Variants in GNAQ observed in about 807,000 individuals in gnomAD.
The protein encoded by GNAQ is G protein subunit alpha q, also known as guanine nucleotide-binding protein G(q) subunit alpha.
GNAQ carries 8 observed loss-of-function variants against 43.9 expected under a neutral mutation model. That is an observed-to-expected ratio of 0.18 (90% CI 0.11 to 0.33). GNAQ has a LOEUF of 0.33. Ranked by LOEUF, GNAQ falls within the 10% of genes least tolerant of loss-of-function variation. GNAQ has a pLI of 1.00. For missense variants in GNAQ, 158 were observed against 450.8 expected (o/e 0.35, Z 5.88); for synonymous variants, 155 against 170.7 (o/e 0.91, Z 0.71).
intron 2 of GNAQ, among the ~76,000 whole-genome samples, chr9:77,849,524 C>T (rs1436268298): frequency 6.6e-6 from 1 of 152,130 alleles, no homozygotes; most frequent in African/African-American, 2.4e-5. Context: ...CCCAGCTAAA[C>T]TGAAGGAAAA....
chr9:77,853,021 T>C (rs368215653), intron 2 of GNAQ, among the ~76,000 whole-genome samples: 1 of 152,202 alleles, frequency 6.6e-6, no homozygotes, highest in African/African-American at 2.4e-5. Context: ...ACATACATTT[T>C]TCCTTTGTCT....
chr9:77,987,727 C>T (rs912180493), intron 1 of GNAQ, among the ~76,000 whole-genome samples: 3 of 152,068 alleles, frequency 2.0e-5, no homozygotes, highest in Non-Finnish European at 2.9e-5. Context: ...AATAAATGTA[C>T]AGTACATAAA....
At chr9:77,844,026 C>G (rs1827534572) in intron 2 of GNAQ, among the ~76,000 whole-genome samples, 1 of 152,130 alleles carries the variant, frequency 6.6e-6, no homozygotes, top group African/African-American at 2.4e-5. Flanking sequence ...TGCAATCTGC[C>G]ACGGAGACAG....
intron 5 of GNAQ, among the ~76,000 whole-genome samples, chr9:77,731,259 TATAGAA>T (rs1825483274): frequency 6.6e-6 from 1 of 152,064 alleles, no homozygotes; most frequent in Admixed American, 6.5e-5. Context: ...TTTGCATTGA[TATAGAA>T]GAAGGTGTAC....
chr9:77,906,546 A>G (rs951101760), intron 2 of GNAQ, among the ~76,000 whole-genome samples: 1 of 152,246 alleles, frequency 6.6e-6, no homozygotes, highest in African/African-American at 2.4e-5. Flanking sequence ...CAACTCAGAA[A>G]AAAGTACTTG....
chr9:77,887,938 TAGATC>T, intron 2 of GNAQ, among the ~76,000 whole-genome samples: 1 of 152,230 alleles, frequency 6.6e-6, no homozygotes, highest in Non-Finnish European at 1.5e-5. Flanking sequence ...GCAATTATTC[TAGATC>T]AGTAGTTCTC....
chr9:77,871,066 A>C (rs959926352), intron 2 of GNAQ, among the ~76,000 whole-genome samples: 1 of 152,304 alleles, frequency 6.6e-6, no homozygotes, highest in African/African-American at 2.4e-5. Context: ...ATAACACCTC[A>C]CAGTGTACAC....
At chr9:78,022,083 G>GC (rs1453314094) in intron 1 of GNAQ, among the ~76,000 whole-genome samples, 2 of 152,272 alleles carry the variant, frequency 1.3e-5, no homozygotes, top group East Asian at 1.9e-4. Context: ...TCATTCACAG[G>GC]CCCCCCTCAA....
At chr9:77,776,547 A>G (rs1826308804) in intron 5 of GNAQ, among the ~76,000 whole-genome samples, 1 of 152,230 alleles carries the variant, frequency 6.6e-6, no homozygotes, top group Non-Finnish European at 1.5e-5. Context: ...ATAATAGTGC[A>G]ATAACAATTT....
intron 5 of GNAQ, among the ~76,000 whole-genome samples, chr9:77,748,236 C>T (rs995902132): frequency 6.6e-6 from 1 of 152,152 alleles, no homozygotes; most frequent in African/African-American, 2.4e-5. Flanking sequence ...TTGTTTAAAT[C>T]TACATCTCAT....
intron 1 of GNAQ, among the ~76,000 whole-genome samples, chr9:77,968,508 C>G (rs1823196716): frequency 6.6e-6 from 1 of 152,166 alleles, no homozygotes; most frequent in Admixed American, 6.5e-5. Context: ...CAAAGTTTAT[C>G]TGGAACAACC....
intron 1 of GNAQ, among the ~76,000 whole-genome samples, chr9:77,940,564 G>A (rs994259632): frequency 5.9e-5 from 9 of 152,072 alleles, no homozygotes; most frequent in Non-Finnish European, 1.3e-4. Flanking sequence ...GAGCGACAGA[G>A]ACCCTGTCTC....
At chr9:77,934,914 C>A (rs531691696) in intron 1 of GNAQ, among the ~76,000 whole-genome samples, 1 of 152,244 alleles carries the variant, frequency 6.6e-6, no homozygotes, top group African/African-American at 2.4e-5. Context: ...ATCATGAGGT[C>A]AAGAGTTCAA....
intron 5 of GNAQ, among the ~76,000 whole-genome samples, chr9:77,746,420 A>G (rs1825730607): frequency 2.0e-5 from 3 of 152,142 alleles, no homozygotes; most frequent in Admixed American, 2.0e-4. Flanking sequence ...GAAAAGACAA[A>G]GCCAAAAGGG....
At chr9:78,005,895 C>T (rs1003896462) in intron 1 of GNAQ, among the ~76,000 whole-genome samples, 3 of 152,132 alleles carry the variant, frequency 2.0e-5, no homozygotes, top group African/African-American at 7.2e-5. Flanking sequence ...AATCGGCCAA[C>T]GGAAAAGGGT....
intron 1 of GNAQ, among the ~76,000 whole-genome samples, chr9:77,977,576 C>T (rs1403517920): frequency 6.6e-6 from 1 of 152,158 alleles, no homozygotes; most frequent in African/African-American, 2.4e-5. Context: ...GAAGCTCAGC[C>T]ACTCCTCAGA....
chr9:77,968,363 T>C (rs758822621), intron 1 of GNAQ, among the ~76,000 whole-genome samples: 3 of 152,232 alleles, frequency 2.0e-5, no homozygotes. Context: ...AGGTGAATTA[T>C]ATTCCTTTTT....
chr9:77,806,596 T>C (rs920689595), intron 3 of GNAQ, among the ~76,000 whole-genome samples: 3 of 152,202 alleles, frequency 2.0e-5, no homozygotes, highest in African/African-American at 7.2e-5. Context: ...CTGTAGTCAC[T>C]GGAGAATAGT....
intron 1 of GNAQ, among the ~76,000 whole-genome samples, chr9:78,018,453 A>T (rs1383322041): frequency 6.6e-6 from 1 of 152,198 alleles, no homozygotes; most frequent in Non-Finnish European, 1.5e-5. Flanking sequence ...TGTGCAAAAA[A>T]CTTGCATTAT....
Sources: allele counts gnomAD v4.1 joint callset (sites outside exome capture counted in the v4.1 genomes callset), GRCh38; gene constraint gnomAD v4.1.1; transcripts MANE v1.5; gene names NCBI Gene and HGNC (gene_info 2026-07-23, HGNC 2026-07-21).